Variants in ERBB4 observed in about 807,000 individuals in gnomAD.
ERBB4 encodes erb-b2 receptor tyrosine kinase 4, also known as receptor tyrosine-protein kinase erbB-4.
A neutral mutation model predicts 158.0 loss-of-function variants in ERBB4; 42 were observed. The observed-to-expected ratio is 0.27, with a 90% CI of 0.21 to 0.34. ERBB4 has a LOEUF of 0.34. Among genes scored for constraint, ERBB4 ranks in the 10% least tolerant of loss-of-function variants. The pLI is 1.00. For missense variants in ERBB4, 1,333 were observed against 1,624.1 expected, an observed-to-expected ratio of 0.82 and a Z score of 3.08; for synonymous variants, 583 against 558.7, an observed-to-expected ratio of 1.04 and a Z score of -0.61.
intron 25 of ERBB4, among the ~76,000 whole-genome samples, chr2:211,417,289 A>G (rs1351750278): frequency 6.6e-6 from 1 of 151,580 alleles, no homozygotes; most frequent in Non-Finnish European, 1.5e-5. Context: ...CCTTGGCAAC[A>G]TAAGGAAACC....
At chr2:212,446,591 G>GTGTATATATATATATA (rs2092355369) in intron 1 of ERBB4, among the ~76,000 whole-genome samples, 5 of 27,516 alleles carry the variant, frequency 1.8e-4, no homozygotes, top group East Asian at 1.1e-3. Flanking sequence ...ATATATATAT[G>GTGTATATATATATATA]TATATATATA....
At chr2:211,967,052 A>G (rs2125190782) in intron 2 of ERBB4, among the ~76,000 whole-genome samples, 1 of 152,290 alleles carries the variant, frequency 6.6e-6, no homozygotes, top group South Asian at 2.1e-4. Context: ...GATCCCATTT[A>G]TAATCCTGAA....
At chr2:212,381,599 C>G (rs2090506212) in intron 1 of ERBB4, among the ~76,000 whole-genome samples, 1 of 151,304 alleles carries the variant, frequency 6.6e-6, no homozygotes, top group African/African-American at 2.4e-5. Context: ...AAATTGGGCT[C>G]TCTGCCAAGT....
intron 3 of ERBB4, among the ~76,000 whole-genome samples, chr2:211,938,612 C>T (rs965683503): frequency 6.6e-6 from 1 of 152,088 alleles, no homozygotes; most frequent in Non-Finnish European, 1.5e-5. Flanking sequence ...TTGAATATTG[C>T]TATCATCCCA....
At chr2:211,814,879 G>A (rs1320211498) in intron 3 of ERBB4, among the ~76,000 whole-genome samples, 1 of 152,172 alleles carries the variant, frequency 6.6e-6, no homozygotes, top group Non-Finnish European at 1.5e-5. Flanking sequence ...CAGTTGCTAT[G>A]GCACAGGACC....
chr2:211,964,254 T>C (rs969032936), intron 2 of ERBB4, among the ~76,000 whole-genome samples: 1 of 152,202 alleles, frequency 6.6e-6, no homozygotes, highest in Non-Finnish European at 1.5e-5. Context: ...AATGGGGATA[T>C]TGACTTCTCA....
intron 20 of ERBB4, 126 bp from the exon 21 acceptor site, chr2:211,431,226 A>C (rs1379229328): frequency 1.3e-5 from 11 of 822,264 alleles, no homozygotes; most frequent in Non-Finnish European, 1.9e-5. Flanking sequence ...GAATCCTAGA[A>C]TATTTTCAAA....
chr2:211,763,749 A>C lies in ERBB4; in HGVS notation c.557-13045T>G, dbSNP rs115967535. On this transcript the variant is annotated intron_variant, in intron 4 of 27. Coordinates refer to ENST00000342788, the MANE Select transcript of ERBB4 (RefSeq NM_005235.3). ...AGATAACAAAGAAAAATGGATAACA[A>C]ATTGGAAAAGATTAGGTAGCTCCAC... Among the ~76,000 whole-genome samples the C allele has an allele frequency of 3.3e-3, 498 of 152,154 alleles. 5 individuals carry two copies. Among genetic ancestry groups the C allele is most frequent in the African/African-American group, 0.012 (484 of 41,508 alleles).
chr2:212,291,396 TAA>T (rs1249176378), intron 1 of ERBB4, among the ~76,000 whole-genome samples: 1 of 152,112 alleles, frequency 6.6e-6, no homozygotes, highest in African/African-American at 2.4e-5. Context: ...TCATGTATTT[TAA>T]AAAGTCTTTT....
At chr2:212,355,998 A>C (rs1259964505) in intron 1 of ERBB4, among the ~76,000 whole-genome samples, 1 of 152,022 alleles carries the variant, frequency 6.6e-6, no homozygotes, top group Non-Finnish European at 1.5e-5. Context: ...CACTAAACAA[A>C]ATTAAATTAA....
intron 20 of ERBB4, among the ~76,000 whole-genome samples, chr2:211,516,688 T>C (rs745386678): frequency 3.7e-4 from 57 of 152,082 alleles, no homozygotes; most frequent in Non-Finnish European, 5.9e-4. Flanking sequence ...TAAGAGGAAT[T>C]GAAACTAAAT....
At chr2:211,697,995 C>T (rs941458399) in intron 12 of ERBB4, among the ~76,000 whole-genome samples, 7 of 151,924 alleles carry the variant, frequency 4.6e-5, no homozygotes, top group African/African-American at 1.7e-4. Flanking sequence ...GGTACTAGTC[C>T]AGCATACTTC....
Position 211,383,658 on chromosome 2 carries a change from A to G in ERBB4, c.3884T>C (p.Val1295Ala). The G allele has an allele frequency of 1.2e-6, 2 of 1,613,938 alleles. No homozygotes were observed. Among genetic ancestry groups the G allele is most frequent in the Non-Finnish European group, 1.7e-6 (2 of 1,179,988 alleles). ...GTGTCTGTAAGGTGGAGGCGGCAGC[A>G]CAGTGCCTGGCTTCAGGGAGAACTC... Reference protein sequence around the residue: ...LSEFSLKPGTVLPPPPYRHRN... With the variant: ...LSEFSLKPGTALPPPPYRHRN... The change falls in exon 28 of 28, where the codon GTG becomes GCG. Residue 1295 changes from valine (V) to alanine (A), a missense_variant. By Grantham distance (64) the Val-to-Ala change is moderately conservative (BLOSUM62 0). This residue lies in a region of ERBB4 where 84 missense variants were observed against 110.8 expected (regional missense o/e 0.76). Transcript: ENST00000342788.
At chr2:211,990,384 G>A (rs1253059115) in intron 2 of ERBB4, among the ~76,000 whole-genome samples, 2 of 151,866 alleles carry the variant, frequency 1.3e-5, no homozygotes, top group African/African-American at 2.4e-5. Flanking sequence ...CACTATAAAT[G>A]TTCCTTGAAA....
chr2:212,102,660 C>A (rs2079118436), intron 2 of ERBB4, among the ~76,000 whole-genome samples: 1 of 152,052 alleles, frequency 6.6e-6, no homozygotes, highest in Non-Finnish European at 1.5e-5. Context: ...AGTAATAATT[C>A]TAAAAGCCTA....
chr2:211,644,869 T>C (rs2070728352), intron 16 of ERBB4, among the ~76,000 whole-genome samples: 1 of 152,012 alleles, frequency 6.6e-6, no homozygotes, highest in Non-Finnish European at 1.5e-5. Context: ...AGCTTTCAGA[T>C]TGCATATCTT....
At chr2:212,295,689 T>C (rs1201416160) in intron 1 of ERBB4, among the ~76,000 whole-genome samples, 1 of 152,066 alleles carries the variant, frequency 6.6e-6, no homozygotes, top group African/African-American at 2.4e-5. Context: ...ACAGTGATGC[T>C]GCAGTGATGT....
chr2:211,681,240 T>G (rs567300280), intron 12 of ERBB4, among the ~76,000 whole-genome samples: 1 of 152,224 alleles, frequency 6.6e-6, no homozygotes, highest in Non-Finnish European at 1.5e-5. Context: ...ATATGAAATT[T>G]ATAATCCATT....
chr2:211,872,231 T>C (rs1206177982), intron 3 of ERBB4, among the ~76,000 whole-genome samples: 2 of 152,236 alleles, frequency 1.3e-5, no homozygotes, highest in African/African-American at 2.4e-5. Flanking sequence ...CTTGTTATAA[T>C]TCATGCTCAG....
Sources: gnomAD v4.1 joint callset for allele counts (sites outside exome capture counted in the v4.1 genomes callset) on GRCh38, gnomAD v4.1.1 for gene constraint, gnomAD v4.1.1 regional missense constraint, MANE v1.5 for transcripts, NCBI Gene and HGNC (gene_info 2026-07-23, HGNC 2026-07-21) for gene names.